Variants in RSPRY1 observed in about 807,000 individuals in gnomAD.
RSPRY1 encodes RING finger and SPRY domain-containing protein 1.
In RSPRY1, 23 loss-of-function variants were observed where a neutral mutation model predicts 73.1. The observed-to-expected ratio is 0.31, with a 90% CI of 0.23 to 0.45. The LOEUF is 0.45. RSPRY1 is among the 20% of genes least tolerant of loss of function. RSPRY1 has a pLI of 1.00. For synonymous variants in RSPRY1, 226 were observed against 251.4 expected, an observed-to-expected ratio of 0.90 and a Z score of 0.95; for missense variants, 448 against 698.7, an observed-to-expected ratio of 0.64 and a Z score of 4.05.
At chr16:57,220,705 G>C in intron 8 of RSPRY1, 27 bp from the exon 9 acceptor site, 1 of 1,493,570 alleles carries the variant, frequency 6.7e-7, no homozygotes, top group Admixed American at 1.7e-5. Context: ...GCCTGCCTTA[G>C]AAACATGAAC....
chr16:57,188,908 T>C (rs1306576553), intron 1 of RSPRY1, among the ~76,000 whole-genome samples: 1 of 152,134 alleles, frequency 6.6e-6, no homozygotes. Context: ...TGATTGTGAG[T>C]TATTTGATCT....
At chr16:57,202,171 A>C (rs979827937) in intron 1 of RSPRY1, among the ~76,000 whole-genome samples, 7 of 151,980 alleles carry the variant, frequency 4.6e-5, no homozygotes, top group Non-Finnish European at 7.4e-5. Context: ...AATAAAAAAT[A>C]AAAAATCTTG....
At chr16:57,221,980 G>A (rs1362729960) in intron 10 of RSPRY1, among the ~76,000 whole-genome samples, 1 of 152,180 alleles carries the variant, frequency 6.6e-6, no homozygotes, top group Non-Finnish European at 1.5e-5. Context: ...TCCTACAGAT[G>A]TATGATTTCT....
At chr16:57,190,971 G>C (rs527322936) in intron 1 of RSPRY1, among the ~76,000 whole-genome samples, 6 of 152,320 alleles carry the variant, frequency 3.9e-5, no homozygotes, top group Admixed American at 3.3e-4. Context: ...GAATACATTT[G>C]AAATAGTAAG....
chr16:57,186,309 C>T (rs541645673), upstream of RSPRY1: 23 of 268,838 alleles, frequency 8.6e-5, no homozygotes, highest in African/African-American at 5.0e-4. Context: ...AGGGCTGGGG[C>T]GGTACGAAGC....
chr16:57,235,641 A>T (rs2075288786), intron 14 of RSPRY1, among the ~76,000 whole-genome samples: 1 of 152,236 alleles, frequency 6.6e-6, no homozygotes, highest in South Asian at 2.1e-4. Flanking sequence ...AGTGAGCATC[A>T]GCAAGAGAAG....
chr16:57,201,298 A>G (rs1317773624), intron 1 of RSPRY1, among the ~76,000 whole-genome samples: 8 of 150,436 alleles, frequency 5.3e-5, no homozygotes, highest in South Asian at 2.1e-4. Flanking sequence ...GTTGCCAGGC[A>G]GAGGGTCTCC....
intron 1 of RSPRY1, among the ~76,000 whole-genome samples, chr16:57,200,662 C>T (rs2074559373): frequency 8.4e-6 from 1 of 119,562 alleles, no homozygotes; most frequent in Non-Finnish European, 1.8e-5. Flanking sequence ...GGGCGGGGGG[C>T]TGACCCCCCC....
chr16:57,207,602 T>C (rs1359973839), intron 2 of RSPRY1: 1 of 456,194 alleles, frequency 2.2e-6, no homozygotes, highest in South Asian at 1.5e-5. Context: ...GAAGAAAACT[T>C]CAAAATGAAG....
At chr16:57,206,509 A>C (rs185486301) in intron 2 of RSPRY1, among the ~76,000 whole-genome samples, 1 of 152,350 alleles carries the variant, frequency 6.6e-6, no homozygotes, top group African/African-American at 2.4e-5. Flanking sequence ...ATGTTAATTT[A>C]AGCTCATTGG....
Position 57,204,547 on chromosome 16 carries a change from G to T in RSPRY1, c.-112G>T. 1.1e-6 allele frequency: 1 copy of T among 892,500 alleles called. No individual in the cohort carries two copies. Among genetic ancestry groups the T allele is most frequent in the Non-Finnish European group, 1.7e-6 (1 of 571,448 alleles). 55.3% of individuals were successfully genotyped at this position (892,500 alleles called of 1,614,324 possible). ...AGAATCCCCTGTAGTTGATAATGTT[G>T]GGAATAAGCTCTGCAACTTTCTTTG... On this transcript the variant is annotated 5_prime_UTR_variant, in exon 2 of 15. Coordinates refer to ENST00000394420, the MANE Select transcript of RSPRY1 (RefSeq NM_133368.3).
intron 3 of RSPRY1, among the ~76,000 whole-genome samples, chr16:57,208,415 T>TA (rs2074771693): frequency 7.4e-6 from 1 of 135,986 alleles, no homozygotes; most frequent in Non-Finnish European, 1.6e-5. Flanking sequence ...TTTTTTTTTT[T>TA]GAGACAGAGT....
chr16:57,234,649 A>G (rs1597935365), intron 13 of RSPRY1, among the ~76,000 whole-genome samples: 1 of 152,368 alleles, frequency 6.6e-6, no homozygotes, highest in East Asian at 1.9e-4. Context: ...GAGTGAAAGT[A>G]TAATGGAAGG....
chr16:57,232,596 C>G (rs892497218), intron 13 of RSPRY1, among the ~76,000 whole-genome samples: 3 of 152,132 alleles, frequency 2.0e-5, no homozygotes, highest in African/African-American at 7.2e-5. Flanking sequence ...AATAAGTCTT[C>G]TCACATATAC....
chr16:57,227,304 G>A lies in RSPRY1; in HGVS notation c.1162-38G>A, dbSNP rs778528865. On this transcript the variant is annotated intron_variant, in intron 10 of 14. Transcript: ENST00000394420. Reference sequence around the variant, plus strand: ...ACTCTCTGTTCCCAGGTCAGAGCAGGCAGACTTGCTAATCTTCTGGGCCTT... The same window carrying A: ...ACTCTCTGTTCCCAGGTCAGAGCAGACAGACTTGCTAATCTTCTGGGCCTT... The A allele has an allele frequency of 1.7e-5, 24 of 1,408,674 alleles. 1 individual carries two copies. In the South Asian group the frequency reaches 2.4e-4, roughly 14 times the overall value. 87.3% of individuals were successfully genotyped at this position (1,408,674 alleles called of 1,614,324 possible). A position where few individuals can be genotyped will look rare whatever the true frequency, so the allele number is the denominator to read the frequency against.
chr16:57,191,063 G>A (rs950605797), intron 1 of RSPRY1, among the ~76,000 whole-genome samples: 1 of 152,088 alleles, frequency 6.6e-6, no homozygotes, highest in Non-Finnish European at 1.5e-5. Context: ...GTTTCCAGGC[G>A]TAATTTCATA....
At chr16:57,200,210 A>G (rs1179536630) in intron 1 of RSPRY1, among the ~76,000 whole-genome samples, 1 of 148,022 alleles carries the variant, frequency 6.8e-6, no homozygotes. Context: ...TTCAGAGAGC[A>G]CAGGGTTGGG....
chr16:57,187,040 C>G (rs1312131285), intron 1 of RSPRY1: 3 of 152,104 alleles, frequency 2.0e-5, no homozygotes, highest in Non-Finnish European at 2.9e-5. Context: ...GAAGCCGGAG[C>G]TGAAAATTGG....
Position 57,209,054 on chromosome 16 carries a change from ATCT to A in RSPRY1, c.404-16_404-14del, listed in dbSNP as rs755251786. On this transcript the variant is annotated intron_variant, in intron 3 of 14. Coordinates refer to ENST00000394420, the MANE Select transcript of RSPRY1 (RefSeq NM_133368.3). The stretch of plus-strand genomic sequence containing the variant: ...TTAAAAATAGTGACTCCATCATATA[ATCT>A]TCTTGATTTGCTCTTAGATGAAGGA... 4.6e-5 allele frequency: 68 copies of A among 1,479,450 alleles called. No homozygotes were observed. The South Asian group carries it at 6.2e-4, about 13-fold the overall frequency. 91.6% of individuals were successfully genotyped at this position (1,479,450 alleles called of 1,614,324 possible).
Sources: gnomAD v4.1 joint callset for allele counts (sites outside exome capture counted in the v4.1 genomes callset) on GRCh38, gnomAD v4.1.1 for gene constraint, MANE v1.5 for transcripts, NCBI Gene and HGNC (gene_info 2026-07-23, HGNC 2026-07-21) for gene names.